GAPVD1: variants seen among roughly 807,000 people sequenced by gnomAD.
The protein encoded by GAPVD1 is GTPase activating protein and VPS9 domains 1.
GAPVD1 carries 35 observed loss-of-function variants against 155.5 expected under a neutral mutation model. The ratio of observed to expected loss-of-function variants is 0.23; its 90% CI spans 0.17 to 0.30. GAPVD1 has a LOEUF of 0.30. GAPVD1 is among the 10% of genes least tolerant of loss of function. GAPVD1 has a pLI of 1.00. For synonymous variants in GAPVD1, 636 were observed against 619.7 expected, an observed-to-expected ratio of 1.03 and a Z score of -0.39; for missense variants, 1,429 against 1,775.7, an observed-to-expected ratio of 0.80 and a Z score of 3.51.
Position 125,350,286 on chromosome 9 carries a change from A to G in GAPVD1, c.3300-9A>G. On this transcript the variant is annotated splice_polypyrimidine_tract_variant and intron_variant, in intron 21 of 27. Coordinates refer to ENST00000297933, the MANE Select transcript of GAPVD1 (RefSeq NM_001282680.3). ...AAAGAAATTAATGTATTTTCTACTC[A>G]TTTTTCAGAGATGCAAAAAAGAAAC... The G allele has an allele frequency of 6.5e-7, 1 of 1,537,190 alleles. No individual in the cohort carries two copies. The highest frequency in any genetic ancestry group is 8.9e-7 in the Non-Finnish European group (1 of 1,128,738).
intron 5 of GAPVD1, among the ~76,000 whole-genome samples, chr9:125,303,132 C>A (rs763908906): frequency 6.6e-6 from 1 of 152,104 alleles, no homozygotes; most frequent in Non-Finnish European, 1.5e-5. Flanking sequence ...TCAAGCAATT[C>A]TCCTGCTTCA....
chr9:125,290,958 C>CT (rs1247611621), intron 2 of GAPVD1, among the ~76,000 whole-genome samples: 1 of 148,906 alleles, frequency 6.7e-6, no homozygotes, highest in Non-Finnish European at 1.5e-5. Context: ...CATTACTACA[C>CT]TCCAGCCTGG....
At chr9:125,319,300 G>C (rs1843921293) in intron 9 of GAPVD1, among the ~76,000 whole-genome samples, 1 of 151,992 alleles carries the variant, frequency 6.6e-6, no homozygotes, top group African/African-American at 2.4e-5. Context: ...CCTGTGCCTA[G>C]GGGTTCAAGG....
chr9:125,274,854 T>C (rs1393262980), intron 2 of GAPVD1, among the ~76,000 whole-genome samples: 1 of 152,136 alleles, frequency 6.6e-6, no homozygotes, highest in Non-Finnish European at 1.5e-5. Context: ...ATGAAGAAAC[T>C]GAGTCATAGA....
chr9:125,350,714 C>G lies in GAPVD1; in HGVS notation c.3411C>G (p.Asp1137Glu). The change falls in exon 23 of 28, where the codon GAC becomes GAG. Residue 1137 changes from aspartate to glutamate, a missense_variant and splice_region_variant. Coordinates refer to ENST00000297933, the MANE Select transcript of GAPVD1 (RefSeq NM_001282680.3). The stretch of plus-strand genomic sequence containing the variant: ...AGAATTCTTGTATCTTTTATTTAGA[C>G]AATGAAATTGTATGCTTCTTAAAAG... The part of the protein sequence containing the change: ...NGLPDHTDPE[D>E]NEIVCFLKVQ... 1 of 1,486,642 alleles carries G rather than the reference C, an allele frequency of 6.7e-7. No individual in the cohort carries two copies. The highest frequency in any genetic ancestry group is 9.4e-7 in the Non-Finnish European group (1 of 1,068,392). 92.1% of individuals were successfully genotyped at this position (1,486,642 alleles called of 1,614,324 possible).
intron 15 of GAPVD1, among the ~76,000 whole-genome samples, chr9:125,333,640 C>T (rs1846431062): frequency 6.6e-6 from 1 of 151,980 alleles, no homozygotes; most frequent in African/African-American, 2.4e-5. Flanking sequence ...AGGCATGTGC[C>T]ACCACGCCCA....
At chr9:125,264,586 A>G (rs1039720761) in intron 1 of GAPVD1, among the ~76,000 whole-genome samples, 2 of 152,154 alleles carry the variant, frequency 1.3e-5, no homozygotes, top group African/African-American at 2.4e-5. Context: ...AGAAAAGTGA[A>G]TATGTTGGCC....
intron 9 of GAPVD1, among the ~76,000 whole-genome samples, chr9:125,319,745 G>C (rs977926310): frequency 6.6e-6 from 1 of 151,920 alleles, no homozygotes; most frequent in African/African-American, 2.4e-5. Flanking sequence ...GGAATTACAG[G>C]CGTACACCAC....
chr9:125,354,826 A>G lies in GAPVD1; in HGVS notation c.3742A>G (p.Arg1248Gly). 6.2e-7 allele frequency: 1 copy of G among 1,612,264 alleles called. No individual in the cohort carries two copies. The highest frequency in any genetic ancestry group is 8.5e-7 in the Non-Finnish European group (1 of 1,178,286). Residue 1248 changes from arginine to glycine, a missense_variant, in exon 24 of 28, where the codon AGG becomes GGG. Transcript: ENST00000297933. ...GCTTGAGAGCAAAGAAAAGAAGATC[A>G]GGGAATTCATTCAAGGTAACTCAAT... ...LLLESKEKKI[R>G]EFIQDFQKLT...
In GAPVD1 at chr9:125,350,855, G is replaced by A. The variant is rs181809764; in HGVS notation, c.3552G>A (p.Ser1184=). ...GGACTTGTAGGAAACTGCTGGCTTC[G>A]ATTGCTGAGGACTACAGGTAATATA... ...DNRTCRKLLA[S]IAEDYRKRAP... Residue 1184 remains serine, a synonymous_variant, in exon 23 of 28, where the codon TCG becomes TCA. Transcript: ENST00000297933. 14 of 1,613,454 alleles carry A rather than the reference G, an allele frequency of 8.7e-6. No individual in the cohort carries two copies. The highest frequency in any genetic ancestry group is 6.7e-5 in the African/African-American group (5 of 75,030).
chr9:125,266,546 C>T (rs1221103950), intron 1 of GAPVD1, among the ~76,000 whole-genome samples: 1 of 152,016 alleles, frequency 6.6e-6, no homozygotes, highest in Non-Finnish European at 1.5e-5. Context: ...ATCTCCTGAC[C>T]TTGTGATCCA....
intron 2 of GAPVD1, among the ~76,000 whole-genome samples, chr9:125,287,226 A>G (rs1010205383): frequency 2.6e-5 from 4 of 152,092 alleles, no homozygotes; most frequent in African/African-American, 9.7e-5. Flanking sequence ...ATAAATATAG[A>G]AACATGACGA....
chr9:125,329,384 G>T (rs987143664), intron 12 of GAPVD1, among the ~76,000 whole-genome samples: 1 of 152,140 alleles, frequency 6.6e-6, no homozygotes, highest in African/African-American at 2.4e-5. Flanking sequence ...TCTTTGTAGG[G>T]CTATAAATTT....
chr9:125,276,892 A>G (rs936731023), intron 2 of GAPVD1, among the ~76,000 whole-genome samples: 2 of 152,070 alleles, frequency 1.3e-5, no homozygotes, highest in African/African-American at 4.8e-5. Context: ...CTGAGAACCT[A>G]GGACTACAGG....
At chr9:125,281,686 G>T (rs1371791328) in intron 2 of GAPVD1, among the ~76,000 whole-genome samples, 1 of 151,838 alleles carries the variant, frequency 6.6e-6, no homozygotes, top group Admixed American at 6.6e-5. Flanking sequence ...TTCTGTTCAG[G>T]ATCCCATTCA....
At chr9:125,293,878 A>ATAAATATATTTTATATATT (rs1564312039) in intron 2 of GAPVD1, among the ~76,000 whole-genome samples, 1 of 18,988 alleles carries the variant, frequency 5.3e-5, no homozygotes, top group African/African-American at 2.5e-4. Context: ...ATATATATAT[A>ATAAATATATTTTATATATT]TATATATATA....
chr9:125,319,747 G>T (rs889846560), intron 9 of GAPVD1, among the ~76,000 whole-genome samples: 1 of 151,826 alleles, frequency 6.6e-6, no homozygotes, highest in South Asian at 2.1e-4. Context: ...AATTACAGGC[G>T]TACACCACCA....
intron 5 of GAPVD1, chr9:125,303,911 T>TA (rs998945976): frequency 3.9e-5 from 6 of 152,272 alleles, no homozygotes; most frequent in East Asian, 1.9e-4. Flanking sequence ...TTTATAAATT[T>TA]AAAAAAATTA....
intron 3 of GAPVD1, among the ~76,000 whole-genome samples, chr9:125,298,682 G>T (rs969454356): frequency 6.6e-6 from 1 of 151,658 alleles, no homozygotes; most frequent in African/African-American, 2.4e-5. Flanking sequence ...AGAGACAGGG[G>T]TTTCACCATG....
Sources: gnomAD v4.1 joint callset for allele counts (sites outside exome capture counted in the v4.1 genomes callset) on GRCh38, gnomAD v4.1.1 for gene constraint, MANE v1.5 for transcripts, NCBI Gene and HGNC (gene_info 2026-07-23, HGNC 2026-07-21) for gene names.